PLCB1: variants seen among roughly 807,000 people sequenced by gnomAD.
PLCB1 encodes the protein 1-phosphatidylinositol 4,5-bisphosphate phosphodiesterase beta-1.
A neutral mutation model predicts 161.8 loss-of-function variants in PLCB1; 46 were observed. That is an observed-to-expected ratio of 0.28 (90% CI 0.22 to 0.36). PLCB1 has a LOEUF of 0.36. Among genes scored for constraint, PLCB1 ranks in the 10% least tolerant of loss-of-function variants. PLCB1 has a pLI of 1.00. For synonymous variants in PLCB1, 517 were observed against 503.7 expected (o/e 1.03, Z -0.35); for missense variants, 1,016 against 1,472.5 (o/e 0.69, Z 5.07).
intron 3 of PLCB1, among the ~76,000 whole-genome samples, chr20:8,471,838 GCAGA>G (rs1311084151): frequency 1.3e-5 from 2 of 152,030 alleles, no homozygotes; most frequent in African/African-American, 4.8e-5. Flanking sequence ...CTTTTTCAAT[GCAGA>G]CAGTTTAATT....
intron 10 of PLCB1, among the ~76,000 whole-genome samples, chr20:8,687,835 C>T (rs1380592100): frequency 2.0e-5 from 3 of 152,156 alleles, no homozygotes; most frequent in Non-Finnish European, 4.4e-5. Flanking sequence ...ACTTATTTTC[C>T]TCTGGGTAGA....
chr20:8,323,771 A>G (rs1985018157), intron 2 of PLCB1, among the ~76,000 whole-genome samples: 2 of 152,124 alleles, frequency 1.3e-5, no homozygotes, highest in South Asian at 4.2e-4. Context: ...TTTAACCATT[A>G]CATTTAATGA....
chr20:8,161,787 T>G (rs1297960673), intron 2 of PLCB1, among the ~76,000 whole-genome samples: 1 of 151,948 alleles, frequency 6.6e-6, no homozygotes, highest in African/African-American at 2.4e-5. Flanking sequence ...ATTGGACTTT[T>G]TTTTTTTTTT....
chr20:8,829,499 ACTGT>A (rs1042003818), intron 31 of PLCB1, among the ~76,000 whole-genome samples: 10 of 152,344 alleles, frequency 6.6e-5, no homozygotes, highest in Admixed American at 5.2e-4. Context: ...TTTAGTTTGT[ACTGT>A]CTTTCTGTAC....
At position 8,648,769 on chromosome 20, in the gene PLCB1, A is replaced by G. The variant is rs189531209; in HGVS notation, c.519-605A>G. ...AGCCTAGGCAACATAGTGAGACTCT[A>G]TCTTTGCAAAAATTTTTAAAAATTA... On this transcript the variant is annotated intron_variant, in intron 6 of 31. Transcript: ENST00000338037. Among the ~76,000 whole-genome samples the G allele has an allele frequency of 1.1e-3, 165 of 152,124 alleles. 1 individual carries two copies. Among genetic ancestry groups the G allele is most frequent in the African/African-American group, 3.9e-3 (163 of 41,508 alleles).
rs141824093 is a variant in PLCB1, at chr20:8,244,135, C to T, written c.177+93764C>T. ...CCACATTTGGCAAAGATATAGATAA[C>T]GAGAACTCTAGTGCATTGCTGGTAG... On this transcript the variant is annotated intron_variant, in intron 2 of 31. Coordinates refer to ENST00000338037, the MANE Select transcript of PLCB1 (RefSeq NM_015192.4). Among the ~76,000 whole-genome samples the T allele has an allele frequency of 9.7e-3, 1,476 of 151,964 alleles. 13 individuals are homozygous for T. The highest frequency in any genetic ancestry group is 0.015 in the Non-Finnish European group (996 of 67,902).
intron 2 of PLCB1, among the ~76,000 whole-genome samples, chr20:8,360,228 T>C (rs1986492248): frequency 6.6e-6 from 1 of 152,222 alleles, no homozygotes; most frequent in South Asian, 2.1e-4. Flanking sequence ...TCCTGCTCTC[T>C]ACACATCTGA....
At chr20:8,255,330 CACAGAT>C (rs1207967100) in intron 2 of PLCB1, among the ~76,000 whole-genome samples, 1 of 151,980 alleles carries the variant, frequency 6.6e-6, no homozygotes, top group Non-Finnish European at 1.5e-5. Context: ...TACACAAACA[CACAGAT>C]ACAAACACTG....
At chr20:8,137,191 G>A (rs1018670881) in intron 1 of PLCB1, among the ~76,000 whole-genome samples, 2 of 152,164 alleles carry the variant, frequency 1.3e-5, no homozygotes, top group African/African-American at 4.8e-5. Flanking sequence ...CTACACAAAA[G>A]CTTAGAACTT....
At chr20:8,445,544 C>T (rs924235269) in intron 3 of PLCB1, among the ~76,000 whole-genome samples, 12 of 151,892 alleles carry the variant, frequency 7.9e-5, no homozygotes, top group Admixed American at 6.6e-4. Context: ...TTTTTTGGTT[C>T]CATATGAACT....
rs1980876288 is a variant in PLCB1 at position 8,741,456 on chromosome 20, C to T, written c.2414-8C>T. 1 of 1,583,032 alleles carries T rather than the reference C, an allele frequency of 6.3e-7. No individual in the cohort carries two copies. The highest frequency in any genetic ancestry group is 8.7e-7 in the Non-Finnish European group (1 of 1,152,264). ...ACCTTTGATCTAAAATATCTCTTCC[C>T]TATTTAGATGTCATCGAAGCTTTAT... On this transcript the variant is annotated splice_polypyrimidine_tract_variant and splice_region_variant and intron_variant, in intron 22 of 31. Transcript: ENST00000338037.
intron 31 of PLCB1, among the ~76,000 whole-genome samples, chr20:8,865,421 A>G (rs1987394425): frequency 6.6e-6 from 1 of 152,246 alleles, no homozygotes; most frequent in African/African-American, 2.4e-5. Flanking sequence ...TCATATCTGC[A>G]TGTATATTCA....
chr20:8,194,523 G>A (rs2052002809), intron 2 of PLCB1, among the ~76,000 whole-genome samples: 1 of 152,004 alleles, frequency 6.6e-6, no homozygotes, highest in African/African-American at 2.4e-5. Flanking sequence ...ACTTAAAGAT[G>A]CAGAAACACA....
At chr20:8,303,015 A>G (rs1158192192) in intron 2 of PLCB1, among the ~76,000 whole-genome samples, 3 of 152,226 alleles carry the variant, frequency 2.0e-5, no homozygotes, top group Admixed American at 6.5e-5. Flanking sequence ...GTAGGGATCA[A>G]TGACAAAGCT....
At chr20:8,668,876 G>C (rs905184383) in intron 9 of PLCB1, among the ~76,000 whole-genome samples, 17 of 152,182 alleles carry the variant, frequency 1.1e-4, no homozygotes, top group Non-Finnish European at 2.2e-4. Context: ...TCACTTTGCA[G>C]CTTTAACAAG....
Position 8,666,484 on chromosome 20 carries a change from G to A in PLCB1, c.862+7780G>A, listed in dbSNP as rs971717255. On this transcript the variant is annotated intron_variant, in intron 9 of 31. Coordinates refer to ENST00000338037, the MANE Select transcript of PLCB1 (RefSeq NM_015192.4). ...GCCAACCTATCACGTTATTGTCTTC[G>A]TTGTTTCCAATCACGAAGCCCTGGC... Among the ~76,000 whole-genome samples, 67 of 152,310 alleles carry A rather than the reference G, an allele frequency of 4.4e-4. 1 individual carries two copies. The highest frequency in any genetic ancestry group is 3.4e-3 in the Middle Eastern group (1 of 294).
chr20:8,343,813 C>G (rs2122231164), intron 2 of PLCB1, among the ~76,000 whole-genome samples: 1 of 152,258 alleles, frequency 6.6e-6, no homozygotes, highest in East Asian at 1.9e-4. Context: ...ACCACAAAAG[C>G]ATTTATTGAA....
intron 10 of PLCB1, among the ~76,000 whole-genome samples, chr20:8,688,569 C>A (rs957026698): frequency 4.6e-5 from 7 of 152,138 alleles, no homozygotes; most frequent in Non-Finnish European, 7.4e-5. Context: ...ATGTGGCTAG[C>A]CAATTACCCC....
chr20:8,521,132 C>T (rs1984331499), intron 3 of PLCB1, among the ~76,000 whole-genome samples: 1 of 152,174 alleles, frequency 6.6e-6, no homozygotes, highest in Non-Finnish European at 1.5e-5. Context: ...TTTATTGAGG[C>T]TGTTCCCTTA....
Sources: gnomAD v4.1 joint callset for allele counts (sites outside exome capture counted in the v4.1 genomes callset) on GRCh38, gnomAD v4.1.1 for gene constraint, MANE v1.5 for transcripts, NCBI Gene and HGNC (gene_info 2026-07-23, HGNC 2026-07-21) for gene names.